Variants in C5orf15 observed in about 807,000 individuals in gnomAD.
C5orf15 encodes the protein keratinocyte-associated transmembrane protein 2.
A neutral mutation model predicts 17.8 loss-of-function variants in C5orf15; 10 were observed. That is an observed-to-expected ratio of 0.56 (90% confidence interval 0.35 to 0.95). C5orf15 has a LOEUF of 0.95. Among genes scored for constraint, C5orf15 ranks in the 40% least tolerant of loss-of-function variants. C5orf15 has a pLI of 0.02. For missense variants in C5orf15, 319 were observed against 331.7 expected (o/e 0.96, Z 0.30); for synonymous variants, 124 against 131.0 (o/e 0.95, Z 0.36).
chr5:133,963,753 AT>A (rs1426396497), intron 1 of C5orf15, among the ~76,000 whole-genome samples: 1 of 151,974 alleles, frequency 6.6e-6, no homozygotes, highest in Non-Finnish European at 1.5e-5. Flanking sequence ...AGCTCATTTT[AT>A]TTTTTTCTTT....
At chr5:133,961,731 G>A (rs554967481) in intron 1 of C5orf15, among the ~76,000 whole-genome samples, 2 of 151,294 alleles carry the variant, frequency 1.3e-5, no homozygotes, top group South Asian at 2.1e-4. Context: ...ACCCTGCCTG[G>A]CTTTTTTTAT....
Position 133,961,232 on chromosome 5 carries a change from T to TTAAA in C5orf15, c.140-1213_140-1212insTTTA, listed in dbSNP as rs1450707193. Among the ~76,000 whole-genome samples the TTAAA allele has an allele frequency of 5.0e-3, 153 of 30,408 alleles. 3 individuals are homozygous for TTAAA. Among genetic ancestry groups the TTAAA allele is most frequent in the Middle Eastern group, 0.045 (1 of 22 alleles). The allele number at this position is 30,408 out of a possible 152,430, so 19.9% of individuals were successfully genotyped here. ...TCAGAAAAATAATGTAGTCAGTTAG[T>TTAAA]AAAAAAAAAAAAAAAAAAAAAAAAA... On this transcript the variant is annotated intron_variant, in intron 1 of 2. Coordinates refer to ENST00000231512, the MANE Select transcript of C5orf15 (RefSeq NM_020199.3).
In C5orf15 at chr5:133,956,777, T is replaced by C. The variant is rs1170341401; in HGVS notation, c.*82A>G. 5 of 1,419,386 alleles carry C rather than the reference T, an allele frequency of 3.5e-6. No individual in the cohort carries two copies. Among genetic ancestry groups the C allele is most frequent in the East Asian group, 2.6e-5 (1 of 38,908 alleles). 87.9% of individuals were successfully genotyped at this position (1,419,386 alleles called of 1,614,324 possible). ...GACTCACCTCTCATTTAAGTACCAA[T>C]TGCCTATGGCAAACATTTGCACAAT... is the stretch of plus-strand genomic sequence containing the variant. On this transcript the variant is annotated 3_prime_UTR_variant, in exon 3 of 3. Coordinates refer to ENST00000231512, the MANE Select transcript of C5orf15 (RefSeq NM_020199.3).
At chr5:133,964,711 A>G (rs1185484311) in intron 1 of C5orf15, among the ~76,000 whole-genome samples, 1 of 152,238 alleles carries the variant, frequency 6.6e-6, no homozygotes, top group African/African-American at 2.4e-5. Context: ...AATTAATGGC[A>G]ACTACATCTT....
intron 1 of C5orf15, among the ~76,000 whole-genome samples, chr5:133,960,915 G>C (rs548061161): frequency 6.6e-6 from 1 of 150,882 alleles, no homozygotes; most frequent in Non-Finnish European, 1.5e-5. Context: ...AGAACTTCAA[G>C]GACCTCTACT....
chr5:133,964,154 T>C (rs552475210), intron 1 of C5orf15, among the ~76,000 whole-genome samples: 3 of 152,146 alleles, frequency 2.0e-5, no homozygotes, highest in East Asian at 3.9e-4. Flanking sequence ...GAGGCGGAGG[T>C]TGCAGTGAGC....
chr5:133,968,607 C>T lies in C5orf15; in HGVS notation c.-23G>A. ...CATAACGGACTCGGCTGGGAGCCTGCGCTGTTGCTAGGCTCTACGCCATGA... is the reference window on the plus strand; with the variant it reads ...CATAACGGACTCGGCTGGGAGCCTGTGCTGTTGCTAGGCTCTACGCCATGA... On this transcript the variant is annotated 5_prime_UTR_variant, in exon 1 of 3. Coordinates refer to ENST00000231512, the MANE Select transcript of C5orf15 (RefSeq NM_020199.3). 1.3e-6 allele frequency: 2 copies of T among 1,592,772 alleles called. No homozygotes were observed. The highest frequency in any genetic ancestry group is 1.1e-5 in the South Asian group (1 of 87,874).
At chr5:133,957,665 A>T (rs1393092807) in intron 2 of C5orf15, among the ~76,000 whole-genome samples, 1 of 152,006 alleles carries the variant, frequency 6.6e-6, no homozygotes, top group Non-Finnish European at 1.5e-5. Context: ...AATACAAATA[A>T]CCAGAAGAGT....
chr5:133,966,590 A>G (rs1561575918), intron 1 of C5orf15, among the ~76,000 whole-genome samples: 2 of 152,366 alleles, frequency 1.3e-5, no homozygotes, highest in East Asian at 3.9e-4. Flanking sequence ...ACAGTTTTTA[A>G]AACCTAATAT....
At chr5:133,960,717 C>A (rs187498109) in intron 1 of C5orf15, among the ~76,000 whole-genome samples, 4 of 152,234 alleles carry the variant, frequency 2.6e-5, no homozygotes, top group Admixed American at 1.3e-4. Context: ...GCAAATGACA[C>A]CAAATACACA....
chr5:133,959,404 C>CAA (rs397999300), intron 2 of C5orf15, 90 bp downstream of exon 2: 5,551 of 124,330 alleles, frequency 0.045, 752 homozygotes, highest in African/African-American at 0.099. Context: ...CTTTTTTTTG[C>CAA]AAAAAAAAAA....
rs139570849 is a variant in C5orf15 at position 133,956,931 on chromosome 5, T to C, written c.726A>G (p.Glu242=). ...WRDGLCSKTV[E]YHRLDQNVNE... ...TAACATTCTGATCTAGGCGATGGTA[T>C]TCCACTGTTTTGGAACAAAGGCCAT... Residue 242 remains glutamate, a synonymous_variant, in exon 3 of 3, where the codon GAA becomes GAG. Coordinates refer to ENST00000231512, the MANE Select transcript of C5orf15 (RefSeq NM_020199.3). 5 of 1,611,874 alleles carry C rather than the reference T, an allele frequency of 3.1e-6. No homozygotes were observed. In the African/African-American group the frequency reaches 6.7e-5, roughly 22 times the overall value.
intron 1 of C5orf15, among the ~76,000 whole-genome samples, chr5:133,965,530 T>C (rs1389151623): frequency 6.6e-6 from 1 of 152,260 alleles, no homozygotes; most frequent in Non-Finnish European, 1.5e-5. Flanking sequence ...ACTCTGACTT[T>C]ACGGATTTAA....
intron 1 of C5orf15, among the ~76,000 whole-genome samples, chr5:133,961,561 A>G (rs1752125298): frequency 6.6e-6 from 1 of 151,336 alleles, no homozygotes; most frequent in African/African-American, 2.4e-5. Flanking sequence ...AAAAAAAAAA[A>G]AACCAATAAA....
intron 1 of C5orf15, among the ~76,000 whole-genome samples, chr5:133,962,980 G>C (rs764191909): frequency 3.3e-5 from 5 of 151,866 alleles, no homozygotes; most frequent in Non-Finnish European, 5.9e-5. Flanking sequence ...CACTTGGTGA[G>C]ACTACACTCA....
intron 2 of C5orf15, 57 bp downstream of exon 2, chr5:133,959,437 A>AAAC: frequency 1.5e-6 from 1 of 682,308 alleles, no homozygotes; most frequent in Non-Finnish European, 2.3e-6. Context: ...AAGAACCATG[A>AAAC]ATCATCAAAA....
intron 2 of C5orf15, among the ~76,000 whole-genome samples, chr5:133,957,808 T>G (rs1274211988): frequency 6.6e-6 from 1 of 152,238 alleles, no homozygotes; most frequent in African/African-American, 2.4e-5. Flanking sequence ...GGAAGGTGGC[T>G]TACAGTGTTA....
intron 2 of C5orf15, among the ~76,000 whole-genome samples, chr5:133,958,596 A>AC: frequency 6.8e-6 from 1 of 148,144 alleles, no homozygotes; most frequent in East Asian, 1.9e-4. Flanking sequence ...AAAAAAAAAA[A>AC]AAAAAAAACT....
rs766213862 is a variant in C5orf15 at position 133,959,914 on chromosome 5, G to A, written c.246C>T (p.Ser82=). 1.2e-6 allele frequency: 2 copies of A among 1,614,012 alleles called. No individual in the cohort carries two copies. The highest frequency in any genetic ancestry group is 3.3e-5 in the Admixed American group (2 of 60,002). The change falls in exon 2 of 3, where the codon TCC becomes TCT. Residue 82 remains serine (S), a synonymous_variant. Coordinates refer to ENST00000231512, the MANE Select transcript of C5orf15 (RefSeq NM_020199.3). ...THENQTKPSI[S]QISTTLPPTT... is the part of the protein sequence containing the mutation. Reference sequence around the variant, plus strand: ...TGGGAGGGAGGGTGGTGCTGATTTGGGAAATAGAAGGTTTGGTTTGGTTTT... The same window carrying A: ...TGGGAGGGAGGGTGGTGCTGATTTGAGAAATAGAAGGTTTGGTTTGGTTTT...
Sources: gnomAD v4.1 joint callset for allele counts (sites outside exome capture counted in the v4.1 genomes callset) on GRCh38, gnomAD v4.1.1 for gene constraint, MANE v1.5 for transcripts, NCBI Gene and HGNC (gene_info 2026-07-23, HGNC 2026-07-21) for gene names.